Variants in GATAD2A observed in about 807,000 individuals in gnomAD.
GATAD2A encodes GATA zinc finger domain containing 2A, also known as transcriptional repressor p66-alpha.
GATAD2A carries 12 observed loss-of-function variants against 68.5 expected under a neutral mutation model. That is an observed-to-expected ratio of 0.18 (90% CI 0.11 to 0.28). The LOEUF is 0.28. Among genes scored for constraint, GATAD2A ranks in the 10% least tolerant of loss-of-function variants. The pLI is 1.00. For synonymous variants in GATAD2A, 410 were observed against 375.3 expected (o/e 1.09, Z -1.07); for missense variants, 755 against 868.5 (o/e 0.87, Z 1.64).
At chr19:19,424,965 G>T (rs1310608410) in intron 1 of GATAD2A, among the ~76,000 whole-genome samples, 1 of 151,814 alleles carries the variant, frequency 6.6e-6, no homozygotes. Context: ...AATAAAAAAG[G>T]TGTGGTGCAG....
chr19:19,472,338 CT>C (rs926283375), intron 2 of GATAD2A: 134 of 144,602 alleles, frequency 9.3e-4, no homozygotes, highest in Admixed American at 8.3e-4. Context: ...GTTTTCTTTT[CT>C]TTTTTTTTTT....
chr19:19,460,507 T>C (rs1231430323), intron 1 of GATAD2A, among the ~76,000 whole-genome samples: 1 of 152,158 alleles, frequency 6.6e-6, no homozygotes. Context: ...AGAGGTGCCC[T>C]GAGGTGCCCT....
At position 19,507,374 on chromosome 19, in the gene GATAD2A, A is replaced by G. The variant is rs2060909947; in HGVS notation, c.*1900A>G. The G allele has an allele frequency of 1.3e-5, 2 of 152,072 alleles. No homozygotes were observed. The highest frequency in any genetic ancestry group is 4.1e-4 in the South Asian group (2 of 4,828). The allele number at this position is 152,072 out of a possible 1,614,324, so 9.4% of individuals were successfully genotyped here. A position where few individuals can be genotyped will look rare whatever the true frequency, so the allele number is the denominator to read the frequency against. ...CTGTTAGCCCTCTCTGTTCCATGAC[A>G]GGGGCCAGATCTTCCAGCTCCTCCC... On this transcript the variant is annotated 3_prime_UTR_variant, in exon 12 of 12. Transcript: ENST00000683918.
At chr19:19,408,965 T>G (rs2147082034) in intron 1 of GATAD2A, among the ~76,000 whole-genome samples, 1 of 151,312 alleles carries the variant, frequency 6.6e-6, no homozygotes, top group East Asian at 1.9e-4. Context: ...AAAGGATGCC[T>G]CTGAAGAATG....
At chr19:19,439,910 C>G (rs1004690247) in intron 1 of GATAD2A, among the ~76,000 whole-genome samples, 1 of 152,146 alleles carries the variant, frequency 6.6e-6, no homozygotes, top group African/African-American at 2.4e-5. Context: ...TTTGCTCCAG[C>G]AAATCCACTT....
intron 1 of GATAD2A, among the ~76,000 whole-genome samples, chr19:19,415,454 C>A (rs915950968): frequency 7.2e-6 from 1 of 138,606 alleles, no homozygotes. Context: ...CACGCCCAGC[C>A]TTTTTTTTTT....
At chr19:19,387,460 C>T (rs2068633218) in intron 1 of GATAD2A, among the ~76,000 whole-genome samples, 1 of 152,064 alleles carries the variant, frequency 6.6e-6, no homozygotes, top group Non-Finnish European at 1.5e-5. Context: ...GCTGGGACTA[C>T]AGGCACCCAC....
At chr19:19,423,880 A>T (rs557577153) in intron 1 of GATAD2A, among the ~76,000 whole-genome samples, 2 of 152,274 alleles carry the variant, frequency 1.3e-5, no homozygotes, top group East Asian at 3.9e-4. Context: ...GCCACTCTGG[A>T]TTCGGATCTA....
chr19:19,453,657 G>A (rs2056618807), intron 1 of GATAD2A, among the ~76,000 whole-genome samples: 1 of 149,642 alleles, frequency 6.7e-6, no homozygotes, highest in Non-Finnish European at 1.5e-5. Flanking sequence ...CACCACAACT[G>A]GCTATTTTTT....
At chr19:19,431,267 G>T (rs2053714142) in intron 1 of GATAD2A, among the ~76,000 whole-genome samples, 1 of 151,006 alleles carries the variant, frequency 6.6e-6, no homozygotes, top group Non-Finnish European at 1.5e-5. Context: ...TTGTGATCAT[G>T]CTGAGTGGTC....
At chr19:19,400,369 A>T (rs181656920) in intron 1 of GATAD2A, among the ~76,000 whole-genome samples, 1 of 152,320 alleles carries the variant, frequency 6.6e-6, no homozygotes, top group Non-Finnish European at 1.5e-5. Context: ...TAGAGACGAC[A>T]TTCAAAACAA....
At chr19:19,483,283 A>G (rs1226703308) in intron 2 of GATAD2A, among the ~76,000 whole-genome samples, 1 of 152,142 alleles carries the variant, frequency 6.6e-6, no homozygotes. Flanking sequence ...GCTCACCATA[A>G]TGGATTCCCA....
At chr19:19,409,491 A>G (rs2050671353) in intron 1 of GATAD2A, among the ~76,000 whole-genome samples, 1 of 152,142 alleles carries the variant, frequency 6.6e-6, no homozygotes, top group Admixed American at 6.6e-5. Flanking sequence ...GCTGCCTGCT[A>G]AGTGTGGTCG....
intron 1 of GATAD2A, among the ~76,000 whole-genome samples, chr19:19,460,755 C>G (rs2057358618): frequency 6.6e-6 from 1 of 152,206 alleles, no homozygotes; most frequent in Non-Finnish European, 1.5e-5. Context: ...GCTCTGTCCC[C>G]TTCCCCAGTG....
At chr19:19,492,215 G>A in intron 2 of GATAD2A, 91 bp from the exon 3 acceptor site, 1 of 1,306,796 alleles carries the variant, frequency 7.7e-7, no homozygotes, top group Non-Finnish European at 1.1e-6. Flanking sequence ...AACAGACGGG[G>A]AGGTCTCAGC....
At chr19:19,417,617 G>C (rs969679228) in intron 1 of GATAD2A, among the ~76,000 whole-genome samples, 3 of 152,154 alleles carry the variant, frequency 2.0e-5, no homozygotes, top group Non-Finnish European at 4.4e-5. Flanking sequence ...GGTTATTGTT[G>C]ATGTCCTGAA....
chr19:19,492,362 A>G lies in GATAD2A; in HGVS notation c.326A>G (p.Asn109Ser), dbSNP rs201367846. 1.9e-4 allele frequency: 300 copies of G among 1,612,490 alleles called. No individual in the cohort carries two copies. The highest frequency in any genetic ancestry group is 3.6e-4 in the South Asian group (33 of 90,732). ...PSPDVIVLSD[N>S]EQPSSPRVNG... ...CCTGACGTGATTGTGCTCTCCGACA[A>G]CGAGCAGCCCTCGAGCCCGAGAGTG... Residue 109 changes from asparagine (N) to serine (S), a missense_variant, in exon 3 of 12, where the codon AAC (asparagine) becomes AGC (serine). By Grantham distance (46) the Asn-to-Ser change is conservative (BLOSUM62 1). Transcript: ENST00000683918.
At chr19:19,406,274 C>T (rs992728378) in intron 1 of GATAD2A, among the ~76,000 whole-genome samples, 10 of 151,454 alleles carry the variant, frequency 6.6e-5, no homozygotes, top group Non-Finnish European at 1.5e-5. Flanking sequence ...GTCGCGGCGT[C>T]GCCCCGCTTC....
intron 9 of GATAD2A, 65 bp downstream of exon 9, chr19:19,501,481 C>A: frequency 8.0e-7 from 1 of 1,246,496 alleles, no homozygotes; most frequent in Non-Finnish European, 1.1e-6. Flanking sequence ...CGATCCACCC[C>A]ACGCCTGCGC....
Sources: gnomAD v4.1 joint callset for allele counts (sites outside exome capture counted in the v4.1 genomes callset) on GRCh38, gnomAD v4.1.1 for gene constraint, MANE v1.5 for transcripts, NCBI Gene and HGNC (gene_info 2026-07-23, HGNC 2026-07-21) for gene names.